Variants in TRAM1 observed in about 807,000 individuals in gnomAD.
The protein encoded by TRAM1 is translocating chain-associated membrane protein 1.
TRAM1 carries 17 observed loss-of-function variants against 48.7 expected under a neutral mutation model. The observed-to-expected ratio is 0.35, with a 90% CI of 0.24 to 0.52. The LOEUF is 0.52. Among genes scored for constraint, TRAM1 ranks in the 20% least tolerant of loss-of-function variants. The pLI is 0.94. For synonymous variants in TRAM1, 182 were observed against 154.0 expected, an observed-to-expected ratio of 1.18 and a Z score of -1.34; for missense variants, 351 against 441.5, an observed-to-expected ratio of 0.79 and a Z score of 1.84.
At chr8:70,577,980 G>A (rs1056903644) in intron 10 of TRAM1, among the ~76,000 whole-genome samples, 3 of 152,340 alleles carry the variant, frequency 2.0e-5, no homozygotes, top group East Asian at 1.9e-4. Flanking sequence ...CTGGCTGTGC[G>A]CAGTGGCTAG....
chr8:70,577,000 A>T (rs1436780193), intron 10 of TRAM1, among the ~76,000 whole-genome samples: 2 of 152,100 alleles, frequency 1.3e-5, no homozygotes, highest in Non-Finnish European at 2.9e-5. Flanking sequence ...GAGCCCCTAG[A>T]TCTGGGGGCT....
Position 70,576,074 on chromosome 8 carries a change from AAAAAAG to A in TRAM1, c.1052-1075_1052-1070del, listed in dbSNP as rs1272680741. Among the ~76,000 whole-genome samples the A allele has an allele frequency of 4.3e-5, 3 of 70,128 alleles. No individual in the cohort carries two copies. In the East Asian group the frequency reaches 6.6e-4, roughly 15 times the overall value. The allele number at this position is 70,128 out of a possible 152,430, so 46.0% of individuals were successfully genotyped here. On this transcript the variant is annotated intron_variant, in intron 10 of 10. Coordinates refer to ENST00000262213, the MANE Select transcript of TRAM1 (RefSeq NM_014294.6). ...CAACAGAGCTAGACTCCATCTAAAA[AAAAAAG>A]AAAAAAAAAAAAAAACCACACAAAA...
Position 70,608,392 on chromosome 8 carries a change from G to A in TRAM1, c.-193C>T. The A allele has an allele frequency of 2.1e-6, 1 of 478,558 alleles. No individual in the cohort carries two copies. Among genetic ancestry groups the A allele is most frequent in the South Asian group, 3.1e-5 (1 of 32,238 alleles). The allele number at this position is 478,558 out of a possible 1,614,324, so 29.6% of individuals were successfully genotyped here. A position where few individuals can be genotyped will look rare whatever the true frequency, so the allele number is the denominator to read the frequency against. On this transcript the variant is annotated 5_prime_UTR_variant, in exon 1 of 11. Coordinates refer to ENST00000262213, the MANE Select transcript of TRAM1 (RefSeq NM_014294.6). Reference sequence around the variant, plus strand: ...CCGGGGGAAAAAAAAAAACACAACAGCTAGCCCGCAGCGGGGGCGAGCATG... The same window carrying A: ...CCGGGGGAAAAAAAAAAACACAACAACTAGCCCGCAGCGGGGGCGAGCATG...
intron 10 of TRAM1, among the ~76,000 whole-genome samples, chr8:70,580,362 A>T (rs1255008016): frequency 6.6e-6 from 1 of 152,222 alleles, no homozygotes; most frequent in East Asian, 1.9e-4. Context: ...ACCATAACCA[A>T]GTGAAATTTA....
chr8:70,577,880 T>G (rs1816992131), intron 10 of TRAM1, among the ~76,000 whole-genome samples: 1 of 152,242 alleles, frequency 6.6e-6, no homozygotes, highest in African/African-American at 2.4e-5. Context: ...GGAAGCCGCA[T>G]GCAGTACATC....
intron 1 of TRAM1, among the ~76,000 whole-genome samples, chr8:70,603,138 G>A (rs1300355772): frequency 6.6e-6 from 1 of 152,068 alleles, no homozygotes; most frequent in Non-Finnish European, 1.5e-5. Flanking sequence ...AGAGCAGAAC[G>A]ATGACATGAG....
At chr8:70,582,369 A>G (rs1484655426) in intron 10 of TRAM1, among the ~76,000 whole-genome samples, 1 of 151,434 alleles carries the variant, frequency 6.6e-6, no homozygotes, top group Admixed American at 6.6e-5. Context: ...ATCATTGTGC[A>G]CTGTAACCTT....
intron 6 of TRAM1, 101 bp from the exon 7 acceptor site, chr8:70,587,277 C>T (rs1287396699): frequency 8.5e-7 from 1 of 1,181,566 alleles, no homozygotes; most frequent in African/African-American, 1.5e-5. Flanking sequence ...GGTCTCAAAA[C>T]CTTGGACTCA....
Position 70,608,322 on chromosome 8 carries a change from G to C in TRAM1, c.-123C>G, listed in dbSNP as rs910229636. 4 of 1,335,244 alleles carry C rather than the reference G, an allele frequency of 3.0e-6. No homozygotes were observed. The African/African-American group carries it at 4.6e-5, about 15-fold the overall frequency. 82.7% of individuals were successfully genotyped at this position (1,335,244 alleles called of 1,614,324 possible). On this transcript the variant is annotated 5_prime_UTR_variant, in exon 1 of 11. Coordinates refer to ENST00000262213, the MANE Select transcript of TRAM1 (RefSeq NM_014294.6). ...CGGCCCCGCTGCAGCCGCTCGCTGG[G>C]GCTTCACTTCCCATCCCACAGCCAG...
intron 6 of TRAM1, among the ~76,000 whole-genome samples, chr8:70,593,846 G>C (rs1055846419): frequency 5.9e-5 from 9 of 152,084 alleles, no homozygotes; most frequent in African/African-American, 1.7e-4. Flanking sequence ...AGCCAATACA[G>C]GTTTCAGAAG....
At chr8:70,593,294 T>C (rs1817407307) in intron 6 of TRAM1, among the ~76,000 whole-genome samples, 1 of 151,940 alleles carries the variant, frequency 6.6e-6, no homozygotes. Context: ...GAATTAACTA[T>C]TTGTAGCACA....
At chr8:70,577,989 A>G (rs1421913800) in intron 10 of TRAM1, among the ~76,000 whole-genome samples, 1 of 152,210 alleles carries the variant, frequency 6.6e-6, no homozygotes, top group African/African-American at 2.4e-5. Context: ...CGCAGTGGCT[A>G]GACCTTGTGT....
intron 10 of TRAM1, among the ~76,000 whole-genome samples, chr8:70,575,744 T>C (rs371040410): frequency 6.6e-6 from 1 of 152,074 alleles, no homozygotes; most frequent in Admixed American, 6.5e-5. Flanking sequence ...AGCACAGATA[T>C]CATTGAACTG....
At chr8:70,578,662 C>T (rs1469929076) in intron 10 of TRAM1, among the ~76,000 whole-genome samples, 1 of 151,922 alleles carries the variant, frequency 6.6e-6, no homozygotes, top group Non-Finnish European at 1.5e-5. Flanking sequence ...GGTCAGAGGG[C>T]TTAGTTGGTG....
chr8:70,573,993 A>G lies in TRAM1; in HGVS notation c.*939T>C, dbSNP rs2132018567. The stretch of plus-strand genomic sequence containing the variant: ...GACTATTTATCCACCTGAATTTTCA[A>G]TTTCTTTAAAGTTAGTGCATTAAAT... On this transcript the variant is annotated 3_prime_UTR_variant, in exon 11 of 11. Coordinates refer to ENST00000262213, the MANE Select transcript of TRAM1 (RefSeq NM_014294.6). The G allele has an allele frequency of 2.0e-5, 4 of 202,452 alleles. No individual in the cohort carries two copies. The highest frequency in any genetic ancestry group is 4.0e-5 in the Non-Finnish European group (4 of 99,146). 12.5% of individuals were successfully genotyped at this position (202,452 alleles called of 1,614,324 possible).
At chr8:70,602,084 A>C (rs1817617627) in intron 1 of TRAM1, among the ~76,000 whole-genome samples, 1 of 152,266 alleles carries the variant, frequency 6.6e-6, no homozygotes, top group South Asian at 2.1e-4. Flanking sequence ...AGAAATAAAA[A>C]GAGCTTGTAG....
intron 2 of TRAM1, among the ~76,000 whole-genome samples, chr8:70,598,511 A>C (rs574080887): frequency 6.6e-6 from 1 of 152,218 alleles, no homozygotes; most frequent in Admixed American, 6.5e-5. Context: ...AAGACCAAAA[A>C]ACAGGGAAGA....
intron 1 of TRAM1, among the ~76,000 whole-genome samples, chr8:70,603,244 A>T (rs984766664): frequency 2.8e-5 from 4 of 142,858 alleles, no homozygotes; most frequent in East Asian, 1.9e-4. Flanking sequence ...TAGATTTTTT[A>T]TATATATATA....
intron 1 of TRAM1, among the ~76,000 whole-genome samples, chr8:70,600,389 T>C (rs1817582286): frequency 1.3e-5 from 2 of 152,200 alleles, no homozygotes; most frequent in South Asian, 2.1e-4. Flanking sequence ...TCTAGCCCTA[T>C]ACAATGAATA....
Sources: gnomAD v4.1 joint callset for allele counts (sites outside exome capture counted in the v4.1 genomes callset) on GRCh38, gnomAD v4.1.1 for gene constraint, MANE v1.5 for transcripts, NCBI Gene and HGNC (gene_info 2026-07-23, HGNC 2026-07-21) for gene names.